The following ADIPOR2 variants were observed in gnomAD, a reference collection of about 807,000 sequenced individuals.
The protein encoded by ADIPOR2 is adiponectin receptor 2.
A neutral mutation model predicts 40.9 loss-of-function variants in ADIPOR2; 18 were observed. The observed-to-expected ratio is 0.44, with a 90% confidence interval of 0.30 to 0.65. ADIPOR2 has a LOEUF of 0.65. ADIPOR2 is among the 30% of genes least tolerant of loss of function. The probability of loss-of-function intolerance (pLI) is 0.09; values close to 1 mark genes in which losing one functional copy is unlikely to be tolerated. For synonymous variants in ADIPOR2, 165 were observed against 166.4 expected (o/e 0.99, Z 0.06); for missense variants, 283 against 479.2 (o/e 0.59, Z 3.82).
In ADIPOR2 at chr12:1,782,116, G is replaced by T. The variant is rs193176336; in HGVS notation, c.838+1040G>T. Among the ~76,000 whole-genome samples, 5 of 152,348 alleles carry T rather than the reference G, an allele frequency of 3.3e-5. No homozygotes were observed. The East Asian group carries it at 9.6e-4, about 29-fold the overall frequency. On this transcript the variant is annotated intron_variant, in intron 6 of 7. Coordinates refer to ENST00000357103, the MANE Select transcript of ADIPOR2 (RefSeq NM_024551.3). ...CCTTTGCTTAGCATGTAGAGGAAAA[G>T]AAAAAGTGAATAGTGCAAAAGTCTA...
intron 2 of ADIPOR2, chr12:1,757,788 G>A (rs1029950817): frequency 3.2e-6 from 3 of 945,472 alleles, no homozygotes; most frequent in East Asian, 4.8e-5. Flanking sequence ...TATGAGTTCG[G>A]ACCTTGCCAT....
rs966453387 is a variant in ADIPOR2, at chr12:1,786,119, C to A, written c.*47C>A. The A allele has an allele frequency of 6.3e-7, 1 of 1,586,776 alleles. No homozygotes were observed. The highest frequency in any genetic ancestry group is 1.8e-5 in the Admixed American group (1 of 55,500). Reference sequence around the variant, plus strand: ...TATGACCCTAAACCAGGGCCTGCGGCACTTGCGGGCCTCCCTGCTGGCTAC... The same window carrying A: ...TATGACCCTAAACCAGGGCCTGCGGAACTTGCGGGCCTCCCTGCTGGCTAC... On this transcript the variant is annotated 3_prime_UTR_variant, in exon 8 of 8. Transcript: ENST00000357103.
At chr12:1,728,273 C>T (rs764692899) in intron 1 of ADIPOR2, among the ~76,000 whole-genome samples, 216 of 151,820 alleles carry the variant, frequency 1.4e-3, no homozygotes, top group Admixed American at 2.6e-3. Flanking sequence ...CCACCACGCC[C>T]GGCTAATTTT....
At chr12:1,727,628 CAG>C (rs1159961411) in intron 1 of ADIPOR2, among the ~76,000 whole-genome samples, 1 of 152,224 alleles carries the variant, frequency 6.6e-6, no homozygotes, top group African/African-American at 2.4e-5. Context: ...ACCTGAGCCT[CAG>C]TGGATTCCAA....
intron 1 of ADIPOR2, chr12:1,697,197 T>G (rs2094640975): frequency 6.6e-6 from 1 of 152,238 alleles, no homozygotes. Context: ...TTGGTAAAAC[T>G]TTGAGGATCA....
chr12:1,738,583 A>G (rs1217788643), intron 1 of ADIPOR2, among the ~76,000 whole-genome samples: 1 of 152,196 alleles, frequency 6.6e-6, no homozygotes, highest in Admixed American at 6.5e-5. Flanking sequence ...AAATAAAGGT[A>G]ATTAAATGAA....
At chr12:1,716,195 T>C (rs1384283129) in intron 1 of ADIPOR2, among the ~76,000 whole-genome samples, 1 of 152,226 alleles carries the variant, frequency 6.6e-6, no homozygotes, top group Non-Finnish European at 1.5e-5. Flanking sequence ...GACTTTACTA[T>C]GTGCAGTTAG....
Position 1,787,141 on chromosome 12 carries a change from A to C in ADIPOR2, c.*1069A>C, listed in dbSNP as rs184327324. On this transcript the variant is annotated 3_prime_UTR_variant, in exon 8 of 8. Transcript: ENST00000357103. ...TCCCTCTATTAAAAATCACTGCCCT[A>C]ACTACACTTCCTCCTTGAGGGAATA... is the stretch of plus-strand genomic sequence containing the variant. 6.6e-6 allele frequency: 1 copy of C among 152,312 alleles called. No individual in the cohort carries two copies. The highest frequency in any genetic ancestry group is 6.5e-5 in the Admixed American group (1 of 15,308). The allele number at this position is 152,312 out of a possible 1,614,324, so 9.4% of individuals were successfully genotyped here. A position where few individuals can be genotyped will look rare whatever the true frequency, so the allele number is the denominator to read the frequency against.
intron 1 of ADIPOR2, among the ~76,000 whole-genome samples, chr12:1,753,498 T>C (rs920064011): frequency 6.6e-6 from 1 of 152,266 alleles, no homozygotes; most frequent in Non-Finnish European, 1.5e-5. Flanking sequence ...CCCAGATGGA[T>C]GTAAAACGTG....
intron 1 of ADIPOR2, chr12:1,730,844 G>A (rs892158626): frequency 6.6e-6 from 1 of 151,720 alleles, no homozygotes; most frequent in Admixed American, 6.6e-5. Context: ...TTAAAAGTTT[G>A]GAAGAGAAGC....
intron 1 of ADIPOR2, among the ~76,000 whole-genome samples, chr12:1,747,421 G>T (rs2094758023): frequency 6.6e-6 from 1 of 152,178 alleles, no homozygotes; most frequent in Non-Finnish European, 1.5e-5. Flanking sequence ...CTTAGGGGTT[G>T]CAATATATAT....
chr12:1,750,846 G>A (rs1350628534), intron 1 of ADIPOR2, among the ~76,000 whole-genome samples: 4 of 151,800 alleles, frequency 2.6e-5, no homozygotes, highest in African/African-American at 9.7e-5. Flanking sequence ...TGATTCTCCT[G>A]GATTTTATAG....
chr12:1,767,856 G>GT (rs1208652032), intron 2 of ADIPOR2, among the ~76,000 whole-genome samples: 2 of 152,148 alleles, frequency 1.3e-5, no homozygotes, highest in African/African-American at 4.8e-5. Flanking sequence ...TATTTGTTTG[G>GT]TAAGTGAGCA....
intron 6 of ADIPOR2, among the ~76,000 whole-genome samples, chr12:1,782,624 A>G (rs1862740348): frequency 6.6e-6 from 1 of 152,180 alleles, no homozygotes; most frequent in Non-Finnish European, 1.5e-5. Context: ...TTAATCCTCC[A>G]CGTATGTTAC....
intron 1 of ADIPOR2, among the ~76,000 whole-genome samples, chr12:1,749,248 C>T (rs2094763692): frequency 6.6e-6 from 1 of 152,182 alleles, no homozygotes; most frequent in South Asian, 2.1e-4. Context: ...GTTCACTGAA[C>T]CCTGTCCTCT....
chr12:1,758,963 T>TTGTC (rs1236316039), intron 2 of ADIPOR2, among the ~76,000 whole-genome samples: 1 of 152,214 alleles, frequency 6.6e-6, no homozygotes, highest in Non-Finnish European at 1.5e-5. Context: ...CAAGGTAACA[T>TTGTC]GACAAGATGA....
At chr12:1,777,318 T>C (rs892364632) in intron 3 of ADIPOR2, among the ~76,000 whole-genome samples, 2 of 151,964 alleles carry the variant, frequency 1.3e-5, no homozygotes, top group African/African-American at 4.8e-5. Flanking sequence ...TTAGGGCATT[T>C]CCTATAAATT....
In ADIPOR2 at chr12:1,757,560, T is replaced by C; in HGVS notation, c.171+3046T>C. 4.3e-6 allele frequency: 4 copies of C among 933,686 alleles called. No homozygotes were observed. In the South Asian group the frequency reaches 5.2e-5, roughly 12 times the overall value. 57.8% of individuals were successfully genotyped at this position (933,686 alleles called of 1,614,324 possible). A position where few individuals can be genotyped will look rare whatever the true frequency, so the allele number is the denominator to read the frequency against. Reference sequence around the variant, plus strand: ...ATCTGTCTGAATGGTATCATTCACCTTGATGAGGGAATCAGGGTAGCGGAT... The same window carrying C: ...ATCTGTCTGAATGGTATCATTCACCCTGATGAGGGAATCAGGGTAGCGGAT... On this transcript the variant is annotated intron_variant, in intron 2 of 7. Coordinates refer to ENST00000357103, the MANE Select transcript of ADIPOR2 (RefSeq NM_024551.3).
intron 1 of ADIPOR2, among the ~76,000 whole-genome samples, chr12:1,707,061 G>A (rs922411776): frequency 3.9e-5 from 6 of 152,148 alleles, no homozygotes; most frequent in African/African-American, 7.2e-5. Flanking sequence ...CTTTCACTCC[G>A]CATGTTTTTG....
Sources: gnomAD v4.1 joint callset for allele counts (sites outside exome capture counted in the v4.1 genomes callset) on GRCh38, gnomAD v4.1.1 for gene constraint, MANE v1.5 for transcripts, NCBI Gene and HGNC (gene_info 2026-07-23, HGNC 2026-07-21) for gene names.